ASAP1: variants seen among roughly 807,000 people sequenced by gnomAD.
ASAP1 encodes ArfGAP with SH3 domain, ankyrin repeat and PH domain 1.
In ASAP1, 43 loss-of-function variants were observed where a neutral mutation model predicts 145.2. That is an observed-to-expected ratio of 0.30 (90% CI 0.23 to 0.38). The LOEUF (loss-of-function observed/expected upper bound fraction) is 0.38, where lower values mean the gene tolerates loss of function less well. Among genes scored for constraint, ASAP1 ranks in the 10% least tolerant of loss-of-function variants. ASAP1 has a pLI of 1.00. For synonymous variants in ASAP1, 546 were observed against 515.5 expected (o/e 1.06, Z -0.80); for missense variants, 1,018 against 1,355.3 (o/e 0.75, Z 3.91).
At chr8:130,346,348 C>T (rs914314605) in intron 3 of ASAP1, among the ~76,000 whole-genome samples, 1 of 152,220 alleles carries the variant, frequency 6.6e-6, no homozygotes, top group Non-Finnish European at 1.5e-5. Flanking sequence ...GTATTTAATA[C>T]ACTGTCAGGA....
At position 130,343,883 on chromosome 8, in the gene ASAP1, A is replaced by C. The variant is rs1359753905; in HGVS notation, c.186+14134T>G. Among the ~76,000 whole-genome samples, 4 of 152,360 alleles carry C rather than the reference A, an allele frequency of 2.6e-5. No homozygotes were observed. In the South Asian group the frequency reaches 6.2e-4, roughly 24 times the overall value. On this transcript the variant is annotated intron_variant, in intron 3 of 29. Transcript: ENST00000518721. Reference sequence around the variant, plus strand: ...AATGTTCATGATGTGTTAAATGAAAATAAGCAGGACAGAGATGTATCTGAG... The same window carrying C: ...AATGTTCATGATGTGTTAAATGAAACTAAGCAGGACAGAGATGTATCTGAG...
chr8:130,401,031 C>G (rs897884341), intron 2 of ASAP1, among the ~76,000 whole-genome samples: 2 of 151,778 alleles, frequency 1.3e-5, no homozygotes, highest in Admixed American at 1.3e-4. Flanking sequence ...CAGGCGCCTG[C>G]CACCACACCC....
At chr8:130,277,319 T>C (rs1200018122) in intron 3 of ASAP1, among the ~76,000 whole-genome samples, 2 of 152,134 alleles carry the variant, frequency 1.3e-5, no homozygotes, top group South Asian at 2.1e-4. Flanking sequence ...ACAACGGCTA[T>C]AGGCAACAGG....
chr8:130,368,945 T>TA (rs1827088471), intron 2 of ASAP1, among the ~76,000 whole-genome samples: 1 of 152,228 alleles, frequency 6.6e-6, no homozygotes, highest in African/African-American at 2.4e-5. Flanking sequence ...AAGCCCTGGC[T>TA]AATCTTTTCC....
At chr8:130,207,154 C>T (rs984059988) in intron 5 of ASAP1, among the ~76,000 whole-genome samples, 7 of 151,874 alleles carry the variant, frequency 4.6e-5, no homozygotes, top group African/African-American at 1.7e-4. Context: ...ACACTAACTA[C>T]TAAGGGGCAC....
chr8:130,193,969 C>T (rs1011009898), intron 5 of ASAP1, among the ~76,000 whole-genome samples: 12 of 152,106 alleles, frequency 7.9e-5, no homozygotes, highest in African/African-American at 2.2e-4. Flanking sequence ...GGATTACAGG[C>T]GTGAGCAACC....
At chr8:130,285,786 C>G (rs1821571944) in intron 3 of ASAP1, among the ~76,000 whole-genome samples, 1 of 152,218 alleles carries the variant, frequency 6.6e-6, no homozygotes, top group African/African-American at 2.4e-5. Context: ...TTATGCATAT[C>G]ACCGTGGAAA....
At chr8:130,313,172 G>A (rs1261138175) in intron 3 of ASAP1, among the ~76,000 whole-genome samples, 1 of 152,088 alleles carries the variant, frequency 6.6e-6, no homozygotes, top group Non-Finnish European at 1.5e-5. Flanking sequence ...TGGATGGGCT[G>A]AACAATGGGG....
chr8:130,417,634 A>G (rs1046069414), intron 1 of ASAP1, among the ~76,000 whole-genome samples: 4 of 151,094 alleles, frequency 2.6e-5, no homozygotes, highest in South Asian at 2.1e-4. Context: ...AAAAAAAAAA[A>G]GGAGAGGCAA....
chr8:130,126,140 G>A (rs2097574615), intron 16 of ASAP1, 51 bp from the exon 17 acceptor site: 1 of 1,550,774 alleles, frequency 6.4e-7, no homozygotes, highest in Non-Finnish European at 8.7e-7. Flanking sequence ...TCTAATTTTA[G>A]TGTGCCAACT....
chr8:130,107,520 ATGTATGT>A (rs1564966071), intron 24 of ASAP1, among the ~76,000 whole-genome samples: 7 of 22,660 alleles, frequency 3.1e-4, no homozygotes, highest in African/African-American at 1.5e-3. Context: ...TAAAAAATGT[ATGTATGT>A]ATGTATGTAT....
At chr8:130,198,165 A>ACT (rs1262518263) in intron 5 of ASAP1, among the ~76,000 whole-genome samples, 1 of 143,400 alleles carries the variant, frequency 7.0e-6, no homozygotes, top group African/African-American at 2.6e-5. Flanking sequence ...ACAGAGTCTT[A>ACT]CTCTGTCATC....
Position 130,179,249 on chromosome 8 carries a change from C to T in ASAP1, c.746+15G>A, listed in dbSNP as rs1490906612. The T allele has an allele frequency of 2.6e-6, 4 of 1,537,138 alleles. No homozygotes were observed. Among genetic ancestry groups the T allele is most frequent in the Non-Finnish European group, 1.8e-6 (2 of 1,113,294 alleles). ...GTAATTGGGCTAATAACAATGCTTG[C>T]AATATTCTACTCACTTGCACTGTGC... is the stretch of plus-strand genomic sequence containing the variant. On this transcript the variant is annotated intron_variant, in intron 9 of 29. Coordinates refer to ENST00000518721, the MANE Select transcript of ASAP1 (RefSeq NM_018482.4).
intron 18 of ASAP1, among the ~76,000 whole-genome samples, chr8:130,122,641 A>C (rs2097568348): frequency 6.6e-6 from 1 of 152,226 alleles, no homozygotes; most frequent in Non-Finnish European, 1.5e-5. Flanking sequence ...TACTTGTCCA[A>C]GGTCACATAG....
chr8:130,289,493 C>T (rs923378449), intron 3 of ASAP1, among the ~76,000 whole-genome samples: 1 of 152,116 alleles, frequency 6.6e-6, no homozygotes, highest in African/African-American at 2.4e-5. Flanking sequence ...AGAGAATACC[C>T]CAAATCCTTA....
intron 3 of ASAP1, among the ~76,000 whole-genome samples, chr8:130,304,205 A>G (rs936583133): frequency 2.0e-5 from 3 of 151,872 alleles, no homozygotes; most frequent in African/African-American, 7.3e-5. Flanking sequence ...TTTTTGGCTT[A>G]AAAAAAGAAA....
intron 3 of ASAP1, among the ~76,000 whole-genome samples, chr8:130,328,577 A>G (rs1381658563): frequency 2.0e-5 from 3 of 151,982 alleles, no homozygotes; most frequent in Non-Finnish European, 4.4e-5. Flanking sequence ...AAAAAGCTGT[A>G]AAAACCCAAT....
chr8:130,371,655 G>A (rs1167963662), intron 2 of ASAP1, among the ~76,000 whole-genome samples: 1 of 152,178 alleles, frequency 6.6e-6, no homozygotes, highest in Non-Finnish European at 1.5e-5. Context: ...GCTGCCTACT[G>A]TAATGTGGTT....
chr8:130,329,770 T>C (rs929469704), intron 3 of ASAP1, among the ~76,000 whole-genome samples: 1 of 152,364 alleles, frequency 6.6e-6, no homozygotes, highest in East Asian at 1.9e-4. Context: ...TGACCACTTA[T>C]GACGTGTTGC....
Sources: allele counts gnomAD v4.1 joint callset (sites outside exome capture counted in the v4.1 genomes callset), GRCh38; gene constraint gnomAD v4.1.1; transcripts MANE v1.5; gene names NCBI Gene and HGNC (gene_info 2026-07-23, HGNC 2026-07-21).